Variants in INPP5F observed in about 807,000 individuals in gnomAD.
INPP5F encodes the protein inositol polyphosphate-5-phosphatase F.
In INPP5F, 97 loss-of-function variants were observed where a neutral mutation model predicts 137.2. The ratio of observed to expected loss-of-function variants is 0.71; its 90% CI spans 0.60 to 0.84. The LOEUF is 0.84. Ranked by LOEUF, INPP5F falls within the 40% of genes least tolerant of loss-of-function variation. INPP5F has a pLI of 0.00. For synonymous variants in INPP5F, 504 were observed against 476.9 expected, an observed-to-expected ratio of 1.06 and a Z score of -0.74; for missense variants, 1,271 against 1,371.9, an observed-to-expected ratio of 0.93 and a Z score of 1.16.
At chr10:119,753,801 A>C (rs1394622915) in intron 2 of INPP5F, among the ~76,000 whole-genome samples, 1 of 152,200 alleles carries the variant, frequency 6.6e-6, no homozygotes, top group African/African-American at 2.4e-5. Context: ...TATTTTATCA[A>C]GGCTCTTTGG....
chr10:119,803,283 A>T (rs1252215081), intron 9 of INPP5F, among the ~76,000 whole-genome samples: 1 of 152,190 alleles, frequency 6.6e-6, no homozygotes, highest in Non-Finnish European at 1.5e-5. Flanking sequence ...AACTATTTAG[A>T]TTCTTAATGC....
chr10:119,794,206 G>T (rs1413270335), intron 6 of INPP5F, among the ~76,000 whole-genome samples: 2 of 151,824 alleles, frequency 1.3e-5, no homozygotes, highest in Non-Finnish European at 1.5e-5. Context: ...TGAGATTAGG[G>T]AGTGGTGATG....
In INPP5F at chr10:119,785,535, C is replaced by CGAGAGAGAGAGAGAGAGAGAGA. The variant is rs59804262; in HGVS notation, c.315+3787_315+3808dup. Among the ~76,000 whole-genome samples the CGAGAGAGAGAGAGAGAGAGAGA allele has an allele frequency of 1.8e-3, 165 of 93,608 alleles. 12 individuals are homozygous for CGAGAGAGAGAGAGAGAGAGAGA. The highest frequency in any genetic ancestry group is 2.5e-3 in the Non-Finnish European group (116 of 45,936). The allele number at this position is 93,608 out of a possible 152,430, so 61.4% of individuals were successfully genotyped here. On this transcript the variant is annotated intron_variant, in intron 3 of 19. Transcript: ENST00000650623. ...TGATCTCCTGACCTTGTGATCCGCT[C>CGAGAGAGAGAGAGAGAGAGAGA]GAGAGAGAGAGAGAGAGAGAGAGAG...
At chr10:119,804,907 G>T (rs747326474) in intron 10 of INPP5F, among the ~76,000 whole-genome samples, 1 of 151,896 alleles carries the variant, frequency 6.6e-6, no homozygotes, top group Non-Finnish European at 1.5e-5. Flanking sequence ...TGTATTTTTT[G>T]ATAGAGATGG....
rs777627578 is a variant in INPP5F at position 119,823,140 on chromosome 10, C to T, written c.2102C>T (p.Ala701Val). The T allele has an allele frequency of 2.8e-5, 45 of 1,613,866 alleles. No individual in the cohort carries two copies. The highest frequency in any genetic ancestry group is 5.3e-5 in the African/African-American group (4 of 74,892). ...CMRLHYRYKE[A>V]SGYFHTLRAV... is the part of the protein sequence containing the mutation. ...CGACTGCACTACAGATACAAAGAAGCGAGTGGCTATTTCCACACATTGCGA... is the reference window on the plus strand; with the variant it reads ...CGACTGCACTACAGATACAAAGAAGTGAGTGGCTATTTCCACACATTGCGA... The change falls in exon 18 of 20, where the codon GCG (alanine) becomes GTG (valine). Residue 701 changes from alanine (A) to valine (V), a missense_variant. Physicochemically the swap from Ala to Val is moderately conservative, Grantham distance 64. Coordinates refer to ENST00000650623, the MANE Select transcript of INPP5F (RefSeq NM_014937.4).
intron 1 of INPP5F, among the ~76,000 whole-genome samples, chr10:119,742,783 G>A (rs1280817210): frequency 6.6e-6 from 1 of 152,012 alleles, no homozygotes; most frequent in African/African-American, 2.4e-5. Flanking sequence ...ACCTGAGGTC[G>A]CAAGTTTGAG....
At chr10:119,766,543 TAAAG>T (rs911611247) in intron 2 of INPP5F, among the ~76,000 whole-genome samples, 3 of 151,670 alleles carry the variant, frequency 2.0e-5, no homozygotes, top group Admixed American at 6.6e-5. Flanking sequence ...GGAAAAAACA[TAAAG>T]AAAACCACAC....
At chr10:119,751,759 G>A (rs1471174202) in intron 2 of INPP5F, among the ~76,000 whole-genome samples, 1 of 152,158 alleles carries the variant, frequency 6.6e-6, no homozygotes, top group African/African-American at 2.4e-5. Context: ...GGGGCCAAAT[G>A]AAATTTTATT....
At chr10:119,765,805 A>G (rs1406753076) in intron 2 of INPP5F, among the ~76,000 whole-genome samples, 3 of 148,686 alleles carry the variant, frequency 2.0e-5, no homozygotes, top group East Asian at 1.9e-4. Flanking sequence ...TATATACTAT[A>G]TAGATATACA....
chr10:119,799,386 A>C (rs1321084162), intron 9 of INPP5F: 6 of 397,634 alleles, frequency 1.5e-5, no homozygotes, highest in Non-Finnish European at 2.4e-5. Flanking sequence ...AAAAAAAAGA[A>C]AAAAACTACT....
At chr10:119,747,689 A>C (rs1017123726) in intron 1 of INPP5F, among the ~76,000 whole-genome samples, 1 of 152,194 alleles carries the variant, frequency 6.6e-6, no homozygotes, top group Admixed American at 6.5e-5. Flanking sequence ...TCCAAAAGCT[A>C]TTAATTAGAG....
chr10:119,774,339 A>C (rs901973714), intron 2 of INPP5F, among the ~76,000 whole-genome samples: 1 of 151,504 alleles, frequency 6.6e-6, no homozygotes, highest in Middle Eastern at 3.4e-3. Flanking sequence ...TTCTATATTA[A>C]TTTGAGAGAT....
At chr10:119,810,043 A>G in intron 13 of INPP5F, 57 bp from the exon 14 acceptor site, 2 of 965,208 alleles carry the variant, frequency 2.1e-6, no homozygotes, top group South Asian at 2.7e-5. Context: ...CCCACAATTT[A>G]TTTTGGGGGC....
Position 119,751,167 on chromosome 10 carries a change from A to C in INPP5F, c.178+11A>C. 1 of 1,512,722 alleles carries C rather than the reference A, an allele frequency of 6.6e-7. No individual in the cohort carries two copies. The highest frequency in any genetic ancestry group is 1.4e-5 in the African/African-American group (1 of 73,080). 93.7% of individuals were successfully genotyped at this position (1,512,722 alleles called of 1,614,324 possible). A position where few individuals can be genotyped will look rare whatever the true frequency, so the allele number is the denominator to read the frequency against. ...TTCAACTTCATTCAGGTATGTTTCT[A>C]TAAACTCCTTAAACTTGTCAAATTT... On this transcript the variant is annotated intron_variant, in intron 2 of 19. Transcript: ENST00000650623.
intron 9 of INPP5F, among the ~76,000 whole-genome samples, chr10:119,801,358 T>G (rs1438317729): frequency 6.6e-6 from 1 of 152,208 alleles, no homozygotes; most frequent in East Asian, 1.9e-4. Flanking sequence ...CACACACATA[T>G]GACATGCATA....
At chr10:119,770,777 T>A (rs1022893203) in intron 2 of INPP5F, among the ~76,000 whole-genome samples, 3 of 152,222 alleles carry the variant, frequency 2.0e-5, no homozygotes, top group African/African-American at 7.2e-5. Context: ...CTACATCTTT[T>A]CACTAGTGTT....
chr10:119,780,475 G>A (rs1849665802), intron 2 of INPP5F, among the ~76,000 whole-genome samples: 1 of 152,252 alleles, frequency 6.6e-6, no homozygotes, highest in Middle Eastern at 3.4e-3. Flanking sequence ...TACATTAGAG[G>A]CTGAGATGGG....
intron 2 of INPP5F, among the ~76,000 whole-genome samples, chr10:119,754,023 T>A (rs1361389569): frequency 6.6e-6 from 1 of 152,188 alleles, no homozygotes; most frequent in Non-Finnish European, 1.5e-5. Context: ...AGGTTAAAAT[T>A]TCTGCCTTTA....
intron 2 of INPP5F, among the ~76,000 whole-genome samples, chr10:119,769,934 T>G (rs1450469625): frequency 1.3e-5 from 2 of 151,954 alleles, no homozygotes; most frequent in African/African-American, 2.4e-5. Context: ...TATATCCTCT[T>G]AGTTCTGTTT....
Sources: gnomAD v4.1 joint callset for allele counts (sites outside exome capture counted in the v4.1 genomes callset) on GRCh38, gnomAD v4.1.1 for gene constraint, MANE v1.5 for transcripts, NCBI Gene and HGNC (gene_info 2026-07-23, HGNC 2026-07-21) for gene names.